Variants in GBP6 observed in about 807,000 individuals in gnomAD.
GBP6 encodes the protein guanylate-binding protein 6.
Under a neutral mutation model 61.5 loss-of-function variants are expected in GBP6, and 54 were observed. That is an observed-to-expected ratio of 0.88 (90% CI 0.71 to 1.10). The LOEUF (loss-of-function observed/expected upper bound fraction) is 1.10, where lower values mean the gene tolerates loss of function less well. Ranked by LOEUF, GBP6 falls within the 50% of genes least tolerant of loss-of-function variation. GBP6 has a pLI of 0.00. For synonymous variants in GBP6, 255 were observed against 273.7 expected (o/e 0.93, Z 0.67); for missense variants, 748 against 752.8 (o/e 0.99, Z 0.07).
chr1:89,381,053 G>A (rs1012173445), intron 6 of GBP6, among the ~76,000 whole-genome samples: 3 of 152,028 alleles, frequency 2.0e-5, no homozygotes, highest in Admixed American at 2.0e-4. Flanking sequence ...GGGAGGCAGA[G>A]GCACGCAGAT....
At chr1:89,378,645 C>T in intron 5 of GBP6, 32 bp downstream of exon 5, 1 of 1,539,206 alleles carries the variant, frequency 6.5e-7, no homozygotes, top group Non-Finnish European at 8.9e-7. Flanking sequence ...TGTGGGTGGT[C>T]CACTGGGTGT....
intron 3 of GBP6, among the ~76,000 whole-genome samples, chr1:89,370,525 A>G (rs1235861793): frequency 6.6e-6 from 1 of 152,168 alleles, no homozygotes; most frequent in Admixed American, 6.5e-5. Context: ...TTTGATATTT[A>G]GCTTCTTATG....
At chr1:89,366,962 C>T (rs1381058285) in intron 1 of GBP6, among the ~76,000 whole-genome samples, 1 of 152,140 alleles carries the variant, frequency 6.6e-6, no homozygotes, top group African/African-American at 2.4e-5. Flanking sequence ...CAAGGTGATC[C>T]ATGTTGTAGC....
At chr1:89,366,646 A>C (rs1297102888) in intron 1 of GBP6, among the ~76,000 whole-genome samples, 1 of 152,192 alleles carries the variant, frequency 6.6e-6, no homozygotes, top group Non-Finnish European at 1.5e-5. Context: ...ACACAGAGGA[A>C]TAGGTTGCCC....
intron 1 of GBP6, among the ~76,000 whole-genome samples, chr1:89,367,368 G>A (rs1652493452): frequency 6.6e-6 from 1 of 152,102 alleles, no homozygotes. Context: ...GTCCTAATGG[G>A]TGGGTCTAAC....
intron 3 of GBP6, among the ~76,000 whole-genome samples, chr1:89,377,896 AC>A (rs1232936581): frequency 3.3e-5 from 5 of 152,170 alleles, no homozygotes; most frequent in Admixed American, 6.5e-5. Flanking sequence ...GAAAAGAAAA[AC>A]CCTATGAAGA....
At position 89,387,536 on chromosome 1, in the gene GBP6, T is replaced by C. The variant is rs2100679895; in HGVS notation, c.*2067T>C. ...TTTATAAAAACAATAGGCTGATGCA[T>C]GGGTGATTATTTTCAATTGATAAAA... On this transcript the variant is annotated 3_prime_UTR_variant, in exon 11 of 11. Coordinates refer to ENST00000370456, the MANE Select transcript of GBP6 (RefSeq NM_198460.3). Among the ~76,000 whole-genome samples, 1 of 152,302 alleles carries C rather than the reference T, an allele frequency of 6.6e-6. No homozygotes were observed. Among genetic ancestry groups the C allele is most frequent in the African/African-American group, 2.4e-5 (1 of 41,570 alleles).
In GBP6 at chr1:89,380,369, T is replaced by C. The variant is rs1330920165; in HGVS notation, c.626-17T>C. ...AGACTGTTTTCACTATATTCTCTGT[T>C]TTTTTTTATCCCTCAGGCAATAATC... On this transcript the variant is annotated splice_polypyrimidine_tract_variant and intron_variant, in intron 5 of 10. Transcript: ENST00000370456. The C allele has an allele frequency of 2.2e-5, 32 of 1,433,494 alleles. No individual in the cohort carries two copies. Among genetic ancestry groups the C allele is most frequent in the Non-Finnish European group, 2.5e-5 (27 of 1,090,832 alleles). The allele number at this position is 1,433,494 out of a possible 1,614,324, so 88.8% of individuals were successfully genotyped here.
chr1:89,385,134 TA>T, intron 10 of GBP6, 95 bp from the exon 11 acceptor site: 1 of 1,099,282 alleles, frequency 9.1e-7, no homozygotes, highest in Non-Finnish European at 1.3e-6. Context: ...TTTTTAGGAG[TA>T]AAATAAAGTT....
chr1:89,365,156 C>T (rs944610687), intron 1 of GBP6, among the ~76,000 whole-genome samples: 1 of 152,186 alleles, frequency 6.6e-6, no homozygotes, highest in African/African-American at 2.4e-5. Flanking sequence ...AAACTATCAT[C>T]AGAGTGATCA....
At chr1:89,365,014 C>T (rs918682061) in intron 1 of GBP6, among the ~76,000 whole-genome samples, 2 of 149,576 alleles carry the variant, frequency 1.3e-5, no homozygotes, top group Admixed American at 6.7e-5. Context: ...GCCAACCCCC[C>T]GCCGCCCGTG....
intron 3 of GBP6, among the ~76,000 whole-genome samples, chr1:89,373,477 A>T (rs1487268929): frequency 1.3e-5 from 2 of 152,346 alleles, no homozygotes; most frequent in East Asian, 3.9e-4. Context: ...ATGGAATACT[A>T]TGCAGCCATA....
At chr1:89,370,751 A>T (rs1652606317) in intron 3 of GBP6, among the ~76,000 whole-genome samples, 1 of 152,206 alleles carries the variant, frequency 6.6e-6, no homozygotes, top group Non-Finnish European at 1.5e-5. Flanking sequence ...CTGTGAAATG[A>T]TCACCACAAT....
chr1:89,378,699 T>C, intron 5 of GBP6, 86 bp downstream of exon 5: 1 of 1,058,014 alleles, frequency 9.5e-7, no homozygotes, highest in Non-Finnish European at 1.4e-6. Context: ...GTTTCATTTG[T>C]ATTTGAGACT....
chr1:89,374,024 T>G (rs1176782288), intron 3 of GBP6, among the ~76,000 whole-genome samples: 1 of 152,034 alleles, frequency 6.6e-6, no homozygotes, highest in Non-Finnish European at 1.5e-5. Context: ...TGAGAGCTGA[T>G]CATTTTATAA....
intron 3 of GBP6, among the ~76,000 whole-genome samples, chr1:89,377,250 T>G (rs1183767936): frequency 1.6e-4 from 25 of 152,202 alleles, no homozygotes; most frequent in Admixed American, 1.6e-3. Context: ...CTATTCAGTC[T>G]TATCTTCTGC....
intron 1 of GBP6, among the ~76,000 whole-genome samples, chr1:89,367,287 C>T (rs1380879230): frequency 6.6e-6 from 1 of 152,148 alleles, no homozygotes; most frequent in African/African-American, 2.4e-5. Flanking sequence ...CACACAGGTT[C>T]CAAATCCTCA....
chr1:89,379,715 C>T (rs1231106802), intron 5 of GBP6, among the ~76,000 whole-genome samples: 2 of 152,154 alleles, frequency 1.3e-5, no homozygotes, highest in African/African-American at 2.4e-5. Context: ...CCAGTGAACT[C>T]GTTGTTGCTT....
chr1:89,381,523 CATT>C, intron 6 of GBP6, among the ~76,000 whole-genome samples, 168 bp from the exon 7 acceptor site: 1 of 152,006 alleles, frequency 6.6e-6, no homozygotes, highest in Non-Finnish European at 1.5e-5. Flanking sequence ...ATTGAAGAGT[CATT>C]ATGAAAATAA....
Sources: allele counts gnomAD v4.1 joint callset (sites outside exome capture counted in the v4.1 genomes callset), GRCh38; gene constraint gnomAD v4.1.1; transcripts MANE v1.5; gene names NCBI Gene and HGNC (gene_info 2026-07-23, HGNC 2026-07-21).